Variants in PAX3 observed in about 807,000 individuals in gnomAD.
PAX3 encodes the protein paired box 3.
A neutral mutation model predicts 51.6 loss-of-function variants in PAX3; 14 were observed. The ratio of observed to expected loss-of-function variants is 0.27; its 90% confidence interval spans 0.18 to 0.42. The LOEUF is 0.42. Ranked by LOEUF, PAX3 falls within the 10% of genes least tolerant of loss-of-function variation. The probability of loss-of-function intolerance (pLI) is 1.00; values close to 1 mark genes in which losing one functional copy is unlikely to be tolerated. For missense variants in PAX3, 540 were observed against 642.8 expected, an observed-to-expected ratio of 0.84 and a Z score of 1.73; for synonymous variants, 280 against 253.4, an observed-to-expected ratio of 1.11 and a Z score of -1.00.
intron 4 of PAX3, among the ~76,000 whole-genome samples, chr2:222,279,973 G>T (rs1458552346): frequency 1.3e-5 from 2 of 152,244 alleles, no homozygotes; most frequent in South Asian, 2.1e-4. Context: ...CATTTTGGGA[G>T]GCTGAGGTGG....
chr2:222,232,042 G>A (rs1028313299), intron 5 of PAX3, 36 bp downstream of exon 5: 1 of 1,586,888 alleles, frequency 6.3e-7, no homozygotes, highest in South Asian at 1.1e-5. Context: ...TTCCTGTCTG[G>A]ACTGAAGTAG....
chr2:222,202,463 G>C (rs1160283058), intron 7 of PAX3, among the ~76,000 whole-genome samples: 3 of 151,764 alleles, frequency 2.0e-5, no homozygotes, highest in Non-Finnish European at 1.5e-5. Flanking sequence ...AGAGGAAAGA[G>C]AGAGATTACA....
chr2:222,232,006 T>G, intron 5 of PAX3, 72 bp downstream of exon 5: 1 of 1,405,044 alleles, frequency 7.1e-7, no homozygotes, highest in South Asian at 1.2e-5. Flanking sequence ...TTGACATATG[T>G]TTTAGATGAG....
At chr2:222,202,440 AG>A (rs1249104674) in intron 7 of PAX3, among the ~76,000 whole-genome samples, 1 of 152,074 alleles carries the variant, frequency 6.6e-6, no homozygotes, top group Non-Finnish European at 1.5e-5. Flanking sequence ...GAAGAGGAAA[AG>A]AAGGAAGGAG....
chr2:222,277,196 A>G (rs780487333), intron 4 of PAX3, among the ~76,000 whole-genome samples: 12 of 152,176 alleles, frequency 7.9e-5, no homozygotes, highest in Non-Finnish European at 1.0e-4. Context: ...ACAAAAATCT[A>G]ATGACACAGA....
chr2:222,235,436 A>G (rs1692764304), intron 4 of PAX3, among the ~76,000 whole-genome samples: 1 of 152,146 alleles, frequency 6.6e-6, no homozygotes, highest in Non-Finnish European at 1.5e-5. Flanking sequence ...TTCTCCTCTT[A>G]TGACATCTCC....
At chr2:222,280,117 A>G (rs1559305796) in intron 4 of PAX3, among the ~76,000 whole-genome samples, 1 of 152,094 alleles carries the variant, frequency 6.6e-6, no homozygotes, top group Non-Finnish European at 1.5e-5. Flanking sequence ...AGGCTGAGAC[A>G]GGAGAATTGC....
rs573531414 is a variant in PAX3 at position 222,235,883 on chromosome 2, C to A, written c.587-3600G>T. Among the ~76,000 whole-genome samples, 446 of 152,320 alleles carry A rather than the reference C, an allele frequency of 2.9e-3. 5 individuals are homozygous for A. The highest frequency in any genetic ancestry group is 0.017 in the Middle Eastern group (5 of 294). On this transcript the variant is annotated intron_variant, in intron 4 of 8. Transcript: ENST00000392070. ...ACAAATCACTACTCTTACTTCTAGA[C>A]TGTTTATTCAAAAGCAATGGAAAGG...
intron 4 of PAX3, among the ~76,000 whole-genome samples, chr2:222,234,585 G>C (rs910414940): frequency 2.0e-5 from 3 of 152,142 alleles, no homozygotes; most frequent in Non-Finnish European, 2.9e-5. Flanking sequence ...TAGACTGATG[G>C]ATCCCCTTCC....
chr2:222,216,727 G>GAA (rs1366138920), intron 7 of PAX3, among the ~76,000 whole-genome samples: 1 of 140,558 alleles, frequency 7.1e-6, no homozygotes, highest in Non-Finnish European at 1.6e-5. Context: ...CACACACACA[G>GAA]AGAGAGAGAG....
intron 4 of PAX3, among the ~76,000 whole-genome samples, chr2:222,260,591 GTTTTTT>G (rs374339768): frequency 3.2e-5 from 2 of 63,072 alleles, no homozygotes; most frequent in East Asian, 1.0e-3. Context: ...TTTTTTTTTT[GTTTTTT>G]TTTTTTTTTT....
chr2:222,260,320 A>T (rs1181929857), intron 4 of PAX3, among the ~76,000 whole-genome samples: 1 of 152,140 alleles, frequency 6.6e-6, no homozygotes, highest in Non-Finnish European at 1.5e-5. Flanking sequence ...GTGAGCCATG[A>T]TCATGCCACT....
chr2:222,201,191 C>A lies in PAX3; in HGVS notation c.*217G>T, dbSNP rs1691274947. On this transcript the variant is annotated 3_prime_UTR_variant, in exon 9 of 9. Coordinates refer to ENST00000392070, the MANE Select transcript of PAX3 (RefSeq NM_181458.4). ...TTTGTCTTTTATTGCTCCAGGTCTT[C>A]CTCTTCTCCACTGCTTTTGTCGAAC... 1 of 1,613,926 alleles carries A rather than the reference C, an allele frequency of 6.2e-7. No homozygotes were observed. Among genetic ancestry groups the A allele is most frequent in the African/African-American group, 1.3e-5 (1 of 74,898 alleles).
chr2:222,234,064 C>G (rs888877189), intron 4 of PAX3, among the ~76,000 whole-genome samples: 4 of 152,134 alleles, frequency 2.6e-5, no homozygotes, highest in Non-Finnish European at 5.9e-5. Context: ...CCAAATGGTA[C>G]ACATCCAAAA....
intron 4 of PAX3, chr2:222,264,066 G>A (rs1693958288): frequency 1.3e-5 from 2 of 152,270 alleles, no homozygotes; most frequent in East Asian, 1.9e-4. Context: ...GCATAAATTA[G>A]CATGTGTTAA....
intron 4 of PAX3, among the ~76,000 whole-genome samples, chr2:222,269,996 T>C (rs1372313629): frequency 2.0e-5 from 3 of 152,080 alleles, no homozygotes. Flanking sequence ...TTAGATAATA[T>C]TTTTCCATTT....
At chr2:222,262,496 T>G (rs1268126298) in intron 4 of PAX3, 5 of 152,184 alleles carry the variant, frequency 3.3e-5, no homozygotes, top group African/African-American at 1.2e-4. Context: ...ATTTTATTAA[T>G]TGGGTATGTA....
intron 4 of PAX3, among the ~76,000 whole-genome samples, chr2:222,260,052 A>G (rs1382604777): frequency 2.6e-5 from 4 of 152,148 alleles, no homozygotes; most frequent in Admixed American, 2.0e-4. Context: ...AAAAAATAAA[A>G]TTTGTAGAGA....
chr2:222,242,331 A>G (rs1193000511), intron 4 of PAX3: 1 of 152,164 alleles, frequency 6.6e-6, no homozygotes, highest in Non-Finnish European at 1.5e-5. Context: ...GACAAAATTA[A>G]CTTAATAATA....
Sources: gnomAD v4.1 joint callset for allele counts (sites outside exome capture counted in the v4.1 genomes callset) on GRCh38, gnomAD v4.1.1 for gene constraint, MANE v1.5 for transcripts, NCBI Gene and HGNC (gene_info 2026-07-23, HGNC 2026-07-21) for gene names.